TENM3: variants seen among roughly 807,000 people sequenced by gnomAD.
The protein encoded by TENM3 is teneurin transmembrane protein 3.
Under a neutral mutation model 255.1 loss-of-function variants are expected in TENM3, and 63 were observed. That is an observed-to-expected ratio of 0.25 (90% CI 0.20 to 0.30). TENM3 has a LOEUF of 0.30. Ranked by LOEUF, TENM3 falls within the 10% of genes least tolerant of loss-of-function variation. The pLI is 1.00. For missense variants in TENM3, 2,929 were observed against 3,461.1 expected (o/e 0.85, Z 3.86); for synonymous variants, 1,306 against 1,322.3 (o/e 0.99, Z 0.27).
At chr4:182,230,852 A>G (rs1162541804) in intron 1 of TENM3, among the ~76,000 whole-genome samples, 3 of 120,888 alleles carry the variant, frequency 2.5e-5, no homozygotes, top group Non-Finnish European at 3.5e-5. Context: ...ATATATATAT[A>G]TATATCCCCC....
chr4:181,463,417 A>G, the TENM3 span, among the ~76,000 whole-genome samples: 1 of 152,098 alleles, frequency 6.6e-6, no homozygotes, highest in Non-Finnish European at 1.5e-5. Context: ...CTATTCCATC[A>G]TATTATTCCA....
At chr4:182,101,165 AG>A in the TENM3 span, among the ~76,000 whole-genome samples, 2 of 47,654 alleles carry the variant, frequency 4.2e-5, no homozygotes, top group African/African-American at 1.1e-4. Flanking sequence ...GAAGGAAAGA[AG>A]GGAGGGAGGA....
the TENM3 span, among the ~76,000 whole-genome samples, chr4:181,931,439 C>T: frequency 4.6e-5 from 7 of 152,166 alleles, no homozygotes; most frequent in Non-Finnish European, 7.4e-5. Context: ...AGTAAAATAC[C>T]TAGGAATACA....
At chr4:181,971,867 G>C in the TENM3 span, among the ~76,000 whole-genome samples, 1 of 151,720 alleles carries the variant, frequency 6.6e-6, no homozygotes, top group African/African-American at 2.4e-5. Flanking sequence ...ACTGCACCTG[G>C]CCAGGGATGG....
the TENM3 span, among the ~76,000 whole-genome samples, chr4:181,516,595 A>G: frequency 6.6e-6 from 1 of 152,020 alleles, no homozygotes; most frequent in African/African-American, 2.4e-5. Flanking sequence ...AGCCTGACCA[A>G]CACGGAGAAA....
chr4:182,008,886 G>A, the TENM3 span, among the ~76,000 whole-genome samples: 1 of 152,082 alleles, frequency 6.6e-6, no homozygotes, highest in African/African-American at 2.4e-5. Context: ...TGAGGCTGCT[G>A]ACCCTTGGAT....
At chr4:182,127,259 C>T in the TENM3 span, among the ~76,000 whole-genome samples, 6 of 152,304 alleles carry the variant, frequency 3.9e-5, no homozygotes, top group East Asian at 1.2e-3. Context: ...CAGCTAAAAA[C>T]ATAGCATCCT....
chr4:181,734,389 C>A, the TENM3 span, among the ~76,000 whole-genome samples: 1 of 151,796 alleles, frequency 6.6e-6, no homozygotes, highest in Non-Finnish European at 1.5e-5. Flanking sequence ...TGAATAAATA[C>A]GTGTGTGAAT....
rs372099031 is a variant in TENM3, at chr4:182,740,247, T to C, written c.3379+1703T>C. Reference sequence around the variant, plus strand: ...TGCACCCCGAATTAAACAGAGCGGATAACTAGTGCCACATGCAGCACACAT... The same window carrying C: ...TGCACCCCGAATTAAACAGAGCGGACAACTAGTGCCACATGCAGCACACAT... On this transcript the variant is annotated intron_variant, in intron 18 of 27. Coordinates refer to ENST00000511685, the MANE Select transcript of TENM3 (RefSeq NM_001080477.4). Among the ~76,000 whole-genome samples the C allele has an allele frequency of 4.6e-5, 7 of 152,326 alleles. No individual in the cohort carries two copies. The East Asian group carries it at 1.4e-3, about 29-fold the overall frequency.
intron 12 of TENM3, among the ~76,000 whole-genome samples, chr4:182,703,162 G>A (rs943985332): frequency 8.5e-5 from 13 of 152,208 alleles, no homozygotes; most frequent in Non-Finnish European, 1.0e-4. Context: ...ATAAATTAAT[G>A]TATATGTCCC....
At chr4:182,149,955 C>T (rs1340829519) in intron 1 of TENM3, among the ~76,000 whole-genome samples, 1 of 151,986 alleles carries the variant, frequency 6.6e-6, no homozygotes, top group Non-Finnish European at 1.5e-5. Context: ...TTCACACTTG[C>T]ATTTAATGAT....
chr4:182,506,412 G>A (rs909254324), intron 3 of TENM3, among the ~76,000 whole-genome samples: 2 of 152,080 alleles, frequency 1.3e-5, no homozygotes, highest in Non-Finnish European at 2.9e-5. Context: ...TTTAAATAAC[G>A]ATTAAATAAT....
the TENM3 span, among the ~76,000 whole-genome samples, chr4:182,010,590 A>G: frequency 6.6e-6 from 1 of 152,140 alleles, no homozygotes; most frequent in Admixed American, 6.5e-5. Context: ...GTTCCTGAGT[A>G]AAGTCCTGAC....
chr4:181,888,494 G>GTATATATATGTATGTATA, the TENM3 span, among the ~76,000 whole-genome samples: 22 of 28,226 alleles, frequency 7.8e-4, no homozygotes, highest in African/African-American at 3.2e-3. Context: ...ATAGAAATGT[G>GTATATATATGTATGTATA]TATATATATA....
chr4:182,121,499 A>T, the TENM3 span, among the ~76,000 whole-genome samples: 19 of 152,198 alleles, frequency 1.2e-4, no homozygotes, highest in Non-Finnish European at 2.6e-4. Context: ...GCTAAAGACC[A>T]CTTCAATAAA....
chr4:182,509,268 A>G (rs1169131859), intron 3 of TENM3, among the ~76,000 whole-genome samples: 2 of 152,192 alleles, frequency 1.3e-5, no homozygotes, highest in Non-Finnish European at 2.9e-5. Context: ...GTTTAACTCC[A>G]TTTCAGTGGG....
chr4:182,506,607 C>T (rs961426564), intron 3 of TENM3, among the ~76,000 whole-genome samples: 1 of 152,050 alleles, frequency 6.6e-6, no homozygotes, highest in African/African-American at 2.4e-5. Flanking sequence ...AGCTGAATGC[C>T]TGGTCTCAAA....
chr4:182,643,446 G>A (rs1561047331), intron 5 of TENM3, among the ~76,000 whole-genome samples: 2 of 152,106 alleles, frequency 1.3e-5, no homozygotes, highest in Non-Finnish European at 2.9e-5. Flanking sequence ...CAATAATTTA[G>A]CCTAAATATT....
At chr4:182,605,869 T>C (rs1354827515) in intron 4 of TENM3, among the ~76,000 whole-genome samples, 1 of 152,204 alleles carries the variant, frequency 6.6e-6, no homozygotes, top group Non-Finnish European at 1.5e-5. Flanking sequence ...ACAGTTACCC[T>C]GGAATTGCAG....
Sources: gnomAD v4.1 joint callset for allele counts (sites outside exome capture counted in the v4.1 genomes callset) on GRCh38, gnomAD v4.1.1 for gene constraint, MANE v1.5 for transcripts, NCBI Gene and HGNC (gene_info 2026-07-23, HGNC 2026-07-21) for gene names.